Variants in SCN10A observed in about 807,000 individuals in gnomAD.
SCN10A encodes the protein sodium channel protein type 10 subunit alpha.
Under a neutral mutation model 170.7 loss-of-function variants are expected in SCN10A, and 162 were observed. The observed-to-expected ratio is 0.95, with a 90% CI of 0.84 to 1.08. The LOEUF is 1.08. Among genes scored for constraint, SCN10A ranks in the 50% least tolerant of loss-of-function variants. The probability of loss-of-function intolerance (pLI) is 0.00; values close to 1 mark genes in which losing one functional copy is unlikely to be tolerated. For missense variants in SCN10A, 2,527 were observed against 2,436.9 expected, an observed-to-expected ratio of 1.04 and a Z score of -0.78; for synonymous variants, 985 against 904.6, an observed-to-expected ratio of 1.09 and a Z score of -1.59.
chr3:38,700,176 T>C (rs1265546124), intron 27 of SCN10A, among the ~76,000 whole-genome samples: 1 of 152,132 alleles, frequency 6.6e-6, no homozygotes, highest in Non-Finnish European at 1.5e-5. Context: ...CTAAGTGAGA[T>C]AAGCCAGACA....
At chr3:38,712,567 G>A in intron 22 of SCN10A, 122 bp from the exon 23 acceptor site, 1 of 948,342 alleles carries the variant, frequency 1.1e-6, no homozygotes, top group South Asian at 1.7e-5. Flanking sequence ...AGAAGCAAGA[G>A]AAGTGGGTTA....
intron 21 of SCN10A, among the ~76,000 whole-genome samples, chr3:38,716,600 T>C (rs1207902947): frequency 6.6e-6 from 1 of 152,092 alleles, no homozygotes; most frequent in African/African-American, 2.4e-5. Context: ...GAAAATAGAC[T>C]AATACAAATA....
chr3:38,729,312 T>G (rs2063491528), intron 15 of SCN10A, among the ~76,000 whole-genome samples: 1 of 152,096 alleles, frequency 6.6e-6, no homozygotes, highest in Non-Finnish European at 1.5e-5. Flanking sequence ...CTCCTTCGGG[T>G]AGGGGATGAC....
rs767815241 is a variant in SCN10A at position 38,771,316 on chromosome 3, G to A, written c.562C>T (p.Pro188Ser). ...ACGCTAAAATCCAGCCAGTTCCAAG[G>A]ATCTCTCAGGTACGTGAACTCATTT... ...CLNEFTYLRD[P>S]WNWLDFSVIT... Residue 188 changes from proline (P) to serine (S), a missense_variant, in exon 5 of 28, where the codon CCT becomes TCT. Transcript: ENST00000449082. The A allele has an allele frequency of 3.7e-5, 60 of 1,613,992 alleles. No homozygotes were observed. Among genetic ancestry groups the A allele is most frequent in the Non-Finnish European group, 4.7e-5 (56 of 1,180,002 alleles).
intron 1 of SCN10A, among the ~76,000 whole-genome samples, chr3:38,797,624 C>T (rs1246849963): frequency 1.2e-4 from 18 of 152,138 alleles, no homozygotes; most frequent in Admixed American, 1.2e-3. Flanking sequence ...TAATTCTTCC[C>T]TTCTGAGAAA....
intron 13 of SCN10A, among the ~76,000 whole-genome samples, chr3:38,745,608 A>G (rs972586047): frequency 2.0e-5 from 3 of 151,862 alleles, no homozygotes; most frequent in East Asian, 1.9e-4. Flanking sequence ...CCATATCTCC[A>G]TTTCTTCACC....
chr3:38,749,662 C>A (rs553629979), intron 13 of SCN10A, among the ~76,000 whole-genome samples: 35 of 152,176 alleles, frequency 2.3e-4, no homozygotes, highest in Non-Finnish European at 4.7e-4. Flanking sequence ...GTGTAAGTTA[C>A]AACCATGAAA....
intron 15 of SCN10A, among the ~76,000 whole-genome samples, chr3:38,733,626 C>T (rs1043536097): frequency 2.0e-5 from 3 of 152,124 alleles, no homozygotes; most frequent in Admixed American, 2.0e-4. Context: ...AGTCATCCTC[C>T]CACCTCAGCC....
chr3:38,811,035 T>TG (rs899187068), intron 1 of SCN10A, among the ~76,000 whole-genome samples: 52 of 152,248 alleles, frequency 3.4e-4, no homozygotes, highest in African/African-American at 1.2e-3. Flanking sequence ...ATTATAATCT[T>TG]GGATACTGGA....
At chr3:38,720,205 T>C (rs933678430) in intron 20 of SCN10A, among the ~76,000 whole-genome samples, 2 of 152,152 alleles carry the variant, frequency 1.3e-5, no homozygotes, top group Non-Finnish European at 2.9e-5. Context: ...TCTAAGGGAG[T>C]ACACACAGGG....
At chr3:38,772,730 CAAA>C (rs769751821) in intron 4 of SCN10A, among the ~76,000 whole-genome samples, 20,085 of 95,468 alleles carry the variant, frequency 0.21, 1,452 homozygotes, top group African/African-American at 0.26. Context: ...ACAACAAAAA[CAAA>C]AACAAAAAAA....
chr3:38,806,112 G>C (rs1013078381), intron 1 of SCN10A, among the ~76,000 whole-genome samples: 1 of 152,154 alleles, frequency 6.6e-6, no homozygotes, highest in Non-Finnish European at 1.5e-5. Context: ...GAGAGTGTCA[G>C]GCTGAAATGC....
intron 1 of SCN10A, among the ~76,000 whole-genome samples, chr3:38,809,640 G>A (rs949499329): frequency 6.6e-6 from 1 of 152,176 alleles, no homozygotes; most frequent in African/African-American, 2.4e-5. Context: ...TAAACCCCAT[G>A]TTCAGTCTTT....
Position 38,697,652 on chromosome 3 carries a change from A to C in SCN10A, c.5568T>G (p.Thr1856=). ...AGCTCCGATAGGCCTTTTGAATGAC[A>C]GTGGCTGAAATGTCTTCTTGCTTCC... ...LRWKQEDISA[T]VIQKAYRSYV... Residue 1856 remains threonine, a synonymous_variant, in exon 28 of 28, where the codon ACT becomes ACG. Transcript: ENST00000449082. 6.2e-7 allele frequency: 1 copy of C among 1,614,184 alleles called. No homozygotes were observed. The highest frequency in any genetic ancestry group is 8.5e-7 in the Non-Finnish European group (1 of 1,180,036).
intron 3 of SCN10A, among the ~76,000 whole-genome samples, chr3:38,790,704 C>G (rs1269789278): frequency 6.6e-6 from 1 of 152,090 alleles, no homozygotes. Context: ...AGGATGCAGG[C>G]TGGACTTCTT....
intron 24 of SCN10A, among the ~76,000 whole-genome samples, chr3:38,709,833 C>T (rs1055806734): frequency 6.6e-6 from 1 of 152,180 alleles, no homozygotes; most frequent in African/African-American, 2.4e-5. Flanking sequence ...GCAACTGAAG[C>T]GCAATCCTAC....
Position 38,712,398 on chromosome 3 carries a change from G to A in SCN10A, c.3852C>T (p.Val1284=), listed in dbSNP as rs147549873. 28 of 1,614,196 alleles carry A rather than the reference G, an allele frequency of 1.7e-5. No individual in the cohort carries two copies. In the South Asian group the frequency reaches 2.4e-4, roughly 14 times the overall value. The change falls in exon 23 of 28, where the codon GTC becomes GTT. Residue 1284 remains valine (V), a synonymous_variant. Transcript: ENST00000449082. The part of the protein sequence containing the change: ...LVGAIPSIMN[V]LLVCLIFWLI... ...GCCAGAAGATGAGGCAGACGAGGAG[G>A]ACATTCATGATGGATGGGATGGCGC...
At chr3:38,755,122 G>A (rs890323911) in intron 11 of SCN10A, among the ~76,000 whole-genome samples, 2 of 152,086 alleles carry the variant, frequency 1.3e-5, no homozygotes, top group African/African-American at 4.8e-5. Context: ...AGGCTGGATT[G>A]TGTCACAGAG....
intron 13 of SCN10A, among the ~76,000 whole-genome samples, chr3:38,744,998 C>T (rs543374005): frequency 1.3e-5 from 2 of 152,208 alleles, no homozygotes; most frequent in African/African-American, 4.8e-5. Flanking sequence ...AATCAACAAT[C>T]CCTGTTTGGA....
Sources: allele counts gnomAD v4.1 joint callset (sites outside exome capture counted in the v4.1 genomes callset), GRCh38; gene constraint gnomAD v4.1.1; transcripts MANE v1.5; gene names NCBI Gene and HGNC (gene_info 2026-07-23, HGNC 2026-07-21).